The following PRR14L variants were observed in gnomAD, a reference collection of about 807,000 sequenced individuals.
The protein encoded by PRR14L is proline rich 14 like.
A neutral mutation model predicts 155.0 loss-of-function variants in PRR14L; 80 were observed. The observed-to-expected ratio is 0.52, with a 90% CI of 0.43 to 0.62. The LOEUF is 0.62. Ranked by LOEUF, PRR14L falls within the 20% of genes least tolerant of loss-of-function variation. The pLI is 0.00. For missense variants in PRR14L, 2,469 were observed against 2,548.0 expected, an observed-to-expected ratio of 0.97 and a Z score of 0.67; for synonymous variants, 883 against 916.0, an observed-to-expected ratio of 0.96 and a Z score of 0.65.
chr22:31,737,667 C>G (rs928579308), intron 2 of PRR14L, among the ~76,000 whole-genome samples: 3 of 151,592 alleles, frequency 2.0e-5, no homozygotes, highest in African/African-American at 7.3e-5. Context: ...GACCATCACA[C>G]TATCATAGCT....
intron 1 of PRR14L, among the ~76,000 whole-genome samples, chr22:31,746,863 C>G (rs936527039): frequency 1.4e-5 from 2 of 147,014 alleles, no homozygotes; most frequent in African/African-American, 5.1e-5. Flanking sequence ...GTGGCGCGAT[C>G]TTGGCTCACT....
rs1259888850 is a variant in PRR14L, at chr22:31,715,334, G to A, written c.2505C>T (p.Cys835=). 1 of 1,551,896 alleles carries A rather than the reference G, an allele frequency of 6.4e-7. No individual in the cohort carries two copies. The highest frequency in any genetic ancestry group is 8.7e-7 in the Non-Finnish European group (1 of 1,147,062). The change falls in exon 4 of 9, where the codon TGC becomes TGT. Residue 835 remains cysteine (C), a synonymous_variant. Transcript: ENST00000327423. ...ENAFQHRDHC[C]QGTGHSVEKS... is the part of the protein sequence containing the mutation. ...TTTCCACAGAGTGTCCTGTTCCTTGGCAGCAGTGATCACGGTGCTGAAATG... is the reference window on the plus strand; with the variant it reads ...TTTCCACAGAGTGTCCTGTTCCTTGACAGCAGTGATCACGGTGCTGAAATG...
chr22:31,688,377 C>T lies in PRR14L; in HGVS notation c.6108-150G>A. The T allele has an allele frequency of 2.7e-6, 3 of 1,095,112 alleles. No individual in the cohort carries two copies. In the South Asian group the frequency reaches 5.6e-5, roughly 20 times the overall value. The allele number at this position is 1,095,112 out of a possible 1,614,324, so 67.8% of individuals were successfully genotyped here. On this transcript the variant is annotated intron_variant, in intron 7 of 8. Transcript: ENST00000327423. ...TCTAGCCATCCTCCAGCCTCAGCCT[C>T]CTGAGTAGCTGGGATTACAGGTGTG...
At position 31,704,002 on chromosome 22, in the gene PRR14L, G is replaced by C. The variant is rs546753754; in HGVS notation, c.5829-281C>G. Among the ~76,000 whole-genome samples the C allele has an allele frequency of 1.5e-4, 23 of 151,878 alleles. No individual in the cohort carries two copies. In the South Asian group the frequency reaches 4.6e-3, roughly 30 times the overall value. ...AGTAGAGACGGAGTTTCTCCATGTT[G>C]GTCAGGATGGTCTTGATCTCCCGAC... On this transcript the variant is annotated intron_variant, in intron 5 of 8. Transcript: ENST00000327423.
In PRR14L at chr22:31,712,757, T is replaced by G; in HGVS notation, c.5082A>C (p.Glu1694Asp). 6.4e-7 allele frequency: 1 copy of G among 1,551,848 alleles called. No homozygotes were observed. Among genetic ancestry groups the G allele is most frequent in the Non-Finnish European group, 8.7e-7 (1 of 1,147,034 alleles). ...AATCTATGAAGGTCATCTTGATGGA[T>G]TCGAGAGAATAAAGTGCCATGGGCT... ...NSKPMALYSL[E>D]SIKMTFIDLS... Residue 1694 changes from glutamate (E) to aspartate (D), a missense_variant, in exon 4 of 9, where the codon GAA becomes GAC. Coordinates refer to ENST00000327423, the MANE Select transcript of PRR14L (RefSeq NM_173566.3).
chr22:31,748,787 C>T (rs1405484094), intron 1 of PRR14L, among the ~76,000 whole-genome samples: 1 of 152,186 alleles, frequency 6.6e-6, no homozygotes, highest in Non-Finnish European at 1.5e-5. Flanking sequence ...GGCATCAGGT[C>T]TCACTTTCTC....
chr22:31,686,101 A>AT (rs369773040), intron 8 of PRR14L, among the ~76,000 whole-genome samples: 12,133 of 138,198 alleles, frequency 0.088, 720 homozygotes, highest in African/African-American at 0.17. Flanking sequence ...TGCCAGGTTA[A>AT]TTTTTTTTTT....
At chr22:31,718,540 C>T (rs1217265093) in intron 3 of PRR14L, among the ~76,000 whole-genome samples, 1 of 147,942 alleles carries the variant, frequency 6.8e-6, no homozygotes, top group Non-Finnish European at 1.5e-5. Context: ...AGGCGTGAGC[C>T]ACCACGCCCG....
chr22:31,689,380 C>G (rs1257206335), intron 7 of PRR14L, among the ~76,000 whole-genome samples: 1 of 151,684 alleles, frequency 6.6e-6, no homozygotes. Context: ...CCCTAGGAGT[C>G]TCTGAGAGCT....
chr22:31,688,534 AAT>A (rs1296537697), intron 7 of PRR14L, among the ~76,000 whole-genome samples: 4 of 152,150 alleles, frequency 2.6e-5, no homozygotes, highest in African/African-American at 9.7e-5. Flanking sequence ...ACCTGTCTGT[AAT>A]ATGTTTTAGA....
chr22:31,704,795 A>T, intron 4 of PRR14L, 69 bp from the exon 5 acceptor site: 1 of 1,196,600 alleles, frequency 8.4e-7, no homozygotes, highest in Non-Finnish European at 1.2e-6. Flanking sequence ...TTTTGATGTT[A>T]TTGTGGGTAT....
chr22:31,685,474 A>C lies in PRR14L; in HGVS notation c.*53T>G. ...CCAAAAAAAAAAAAAAAACCCAAAA[A>C]CAAAACAAAACAAAAAAACCCTAAA... On this transcript the variant is annotated 3_prime_UTR_variant, in exon 9 of 9. Coordinates refer to ENST00000327423, the MANE Select transcript of PRR14L (RefSeq NM_173566.3). The C allele has an allele frequency of 6.9e-7, 1 of 1,454,462 alleles. No individual in the cohort carries two copies. Among genetic ancestry groups the C allele is most frequent in the African/African-American group, 1.4e-5 (1 of 69,200 alleles). The allele number at this position is 1,454,462 out of a possible 1,614,324, so 90.1% of individuals were successfully genotyped here.
Position 31,712,418 on chromosome 22 carries a change from G to A in PRR14L, c.5421C>T (p.Ala1807=). The A allele has an allele frequency of 1.3e-6, 2 of 1,577,250 alleles. No homozygotes were observed. The highest frequency in any genetic ancestry group is 1.7e-6 in the Non-Finnish European group (2 of 1,160,964). ...PAPLQDYGGT[A]IVQTRADCSV... The stretch of plus-strand genomic sequence containing the variant: ...AGCAGTCTGCTCTGGTCTGGACTAT[G>A]GCAGTGCCTCCATAGTCTTGGAGAG... The change falls in exon 4 of 9, where the codon GCC becomes GCT. Residue 1807 remains alanine (A), a synonymous_variant. Coordinates refer to ENST00000327423, the MANE Select transcript of PRR14L (RefSeq NM_173566.3).
intron 7 of PRR14L, among the ~76,000 whole-genome samples, chr22:31,690,093 T>G (rs1391868682): frequency 6.6e-6 from 1 of 152,126 alleles, no homozygotes; most frequent in Non-Finnish European, 1.5e-5. Flanking sequence ...ATTTTTGTAT[T>G]TTTAGTAGAG....
Position 31,715,181 on chromosome 22 carries a change from TG to T in PRR14L, c.2657del (p.Ser886Ter), listed in dbSNP as rs1217736288. 6.4e-7 allele frequency: 1 copy of T among 1,552,154 alleles called. No homozygotes were observed. Among genetic ancestry groups the T allele is most frequent in the South Asian group, 1.2e-5 (1 of 84,064 alleles). Reference protein sequence around the residue: ...MVAGLLNSGISNKTIHTSSSI... With the variant: ...MVAGLLNSGIXNKTIHTSSSI... ...TACTGGAGGTGTGAATGGTTTTGTT[TG>T]AAATTCCACTATTTAACAAGCCTGC... On this transcript the variant is annotated frameshift_variant, in exon 4 of 9. Coordinates refer to ENST00000327423, the MANE Select transcript of PRR14L (RefSeq NM_173566.3). LOFTEE classifies it high-confidence loss of function.
chr22:31,726,129 CAAT>C lies in PRR14L; in HGVS notation c.475-522_475-520del, dbSNP rs2074715307. ...GCCTGAAAACTTTTTAAAGTTGTGA[CAAT>C]AACAGAGGTCTAAAAAAAACTTTTT... On this transcript the variant is annotated intron_variant, in intron 2 of 8. Transcript: ENST00000327423. 2.0e-5 allele frequency among the ~76,000 whole-genome samples: 3 copies of C among 151,670 alleles called. 1 individual carries two copies. The highest frequency in any genetic ancestry group is 2.0e-4 in the Admixed American group (3 of 15,244).
At chr22:31,711,303 T>C (rs2074620380) in intron 4 of PRR14L, among the ~76,000 whole-genome samples, 1 of 151,536 alleles carries the variant, frequency 6.6e-6, no homozygotes, top group Non-Finnish European at 1.5e-5. Context: ...TGAAACCGTC[T>C]CTACTAAAAA....
intron 1 of PRR14L, 149 bp from the exon 2 acceptor site, chr22:31,739,060 T>C (rs1323343747): frequency 3.7e-5 from 20 of 542,534 alleles, no homozygotes; most frequent in Admixed American, 2.0e-4. Context: ...CTTAATGAAT[T>C]TGTAGAAAAA....
Position 31,712,170 on chromosome 22 carries a change from T to A in PRR14L, c.5669A>T (p.Gln1890Leu), listed in dbSNP as rs752243034. The A allele has an allele frequency of 6.2e-7, 1 of 1,614,170 alleles. No individual in the cohort carries two copies. The highest frequency in any genetic ancestry group is 1.1e-5 in the South Asian group (1 of 91,084). ...GAAGGAGCAGACAGAAGGACCATGCTGGCTCCAAATGGATAGGACTCTGCC... is the reference window on the plus strand; with the variant it reads ...GAAGGAGCAGACAGAAGGACCATGCAGGCTCCAAATGGATAGGACTCTGCC... ...SVGRVLSIWSQHGPSVCSFEI... is the reference protein window; with the variant it reads ...SVGRVLSIWSLHGPSVCSFEI... The change falls in exon 4 of 9, where the codon CAG (glutamine) becomes CTG (leucine). Residue 1890 changes from glutamine (Q) to leucine (L), a missense_variant. By Grantham distance (113) the Gln-to-Leu change is moderately radical. Transcript: ENST00000327423.
Sources: allele counts gnomAD v4.1 joint callset (sites outside exome capture counted in the v4.1 genomes callset), GRCh38; gene constraint gnomAD v4.1.1; transcripts MANE v1.5; gene names NCBI Gene and HGNC (gene_info 2026-07-23, HGNC 2026-07-21).